Variants in FREM2 observed in about 807,000 individuals in gnomAD.
FREM2 encodes FRAS1 related extracellular matrix 2, also known as FRAS1-related extracellular matrix protein 2.
FREM2 carries 119 observed loss-of-function variants against 219.9 expected under a neutral mutation model. The ratio of observed to expected loss-of-function variants is 0.54; its 90% CI spans 0.47 to 0.63. The LOEUF (loss-of-function observed/expected upper bound fraction) is 0.63. Ranked by LOEUF, FREM2 falls within the 30% of genes least tolerant of loss-of-function variation. The probability of loss-of-function intolerance (pLI) is 0.00; values close to 1 mark genes in which losing one functional copy is unlikely to be tolerated. For synonymous variants in FREM2, 1,562 were observed against 1,522.8 expected (o/e 1.03, Z -0.60); for missense variants, 4,030 against 3,993.6 (o/e 1.01, Z -0.25).
intron 2 of FREM2, among the ~76,000 whole-genome samples, chr13:38,713,681 T>C (rs765598907): frequency 2.0e-5 from 3 of 152,216 alleles, no homozygotes; most frequent in Non-Finnish European, 4.4e-5. Context: ...ATTCATGTTA[T>C]CCCTTCCCCA....
chr13:38,695,988 A>T (rs577826492), intron 1 of FREM2, among the ~76,000 whole-genome samples: 4 of 152,204 alleles, frequency 2.6e-5, no homozygotes, highest in Non-Finnish European at 5.9e-5. Context: ...GAAACTAGGC[A>T]GCAAGTGTGG....
In FREM2 at chr13:38,766,995, G is replaced by A. The variant is rs559255771; in HGVS notation, c.5410+2545G>A. On this transcript the variant is annotated intron_variant, in intron 3 of 23. Transcript: ENST00000280481. Reference sequence around the variant, plus strand: ...GGCCTACTTCCCAATACCCTACCTAGGTCAACTCCATGAGAAGAGTACCAT... The same window carrying A: ...GGCCTACTTCCCAATACCCTACCTAAGTCAACTCCATGAGAAGAGTACCAT... Among the ~76,000 whole-genome samples the A allele has an allele frequency of 5.3e-5, 8 of 152,274 alleles. No homozygotes were observed. The East Asian group carries it at 1.4e-3, about 26-fold the overall frequency.
In FREM2 at chr13:38,692,173, A is replaced by G. The variant is rs142108180; in HGVS notation, c.4829A>G (p.Glu1610Gly). The change falls in exon 1 of 24, where the codon GAG becomes GGG. Residue 1610 changes from glutamate to glycine, a missense_variant. Glu to Gly is a moderately conservative substitution (Grantham distance 98). Coordinates refer to ENST00000280481, the MANE Select transcript of FREM2 (RefSeq NM_207361.6). Reference protein sequence around the residue: ...NLISYKHDGTESSEDSFSFTV... With the variant: ...NLISYKHDGTGSSEDSFSFTV... The stretch of plus-strand genomic sequence containing the variant: ...ATCAGCTACAAACATGATGGCACTG[A>G]GTCAAGTGAAGATAGCTTCTCCTTC... 4.3e-6 allele frequency: 7 copies of G among 1,614,098 alleles called. No individual in the cohort carries two copies. Among genetic ancestry groups the G allele is most frequent in the Non-Finnish European group, 1.7e-6 (2 of 1,180,040 alleles).
intron 3 of FREM2, among the ~76,000 whole-genome samples, chr13:38,769,214 AAC>A (rs1873556911): frequency 2.0e-5 from 3 of 152,194 alleles, no homozygotes; most frequent in Admixed American, 6.5e-5. Flanking sequence ...AATATCCAGG[AAC>A]ACATGCAAAA....
chr13:38,719,839 A>G (rs1281898966), intron 2 of FREM2, among the ~76,000 whole-genome samples: 1 of 152,072 alleles, frequency 6.6e-6, no homozygotes, highest in Admixed American at 6.5e-5. Flanking sequence ...TGTTGGTGAA[A>G]TTTACAGACA....
chr13:38,857,907 G>C lies in FREM2; in HGVS notation c.7089G>C (p.Met2363Ile). ...AAGCCATTGTGTACATAGAAGAAATGAGCAGCATGGCAGATGTCACTTTTC... is the reference window on the plus strand; with the variant it reads ...AAGCCATTGTGTACATAGAAGAAATCAGCAGCATGGCAGATGTCACTTTTC... ...LTKAIVYIEE[M>I]SSMADVTFPS... is the part of the protein sequence containing the mutation. The change falls in exon 13 of 24, where the codon ATG (methionine) becomes ATC (isoleucine). Residue 2363 changes from methionine (M) to isoleucine (I), a missense_variant. Met to Ile is a conservative substitution (Grantham distance 10). Coordinates refer to ENST00000280481, the MANE Select transcript of FREM2 (RefSeq NM_207361.6). 1 of 1,613,768 alleles carries C rather than the reference G, an allele frequency of 6.2e-7. No individual in the cohort carries two copies. Among genetic ancestry groups the C allele is most frequent in the Admixed American group, 1.7e-5 (1 of 60,024 alleles).
chr13:38,750,633 G>A (rs1046951827), intron 2 of FREM2, among the ~76,000 whole-genome samples: 1 of 152,010 alleles, frequency 6.6e-6, no homozygotes, highest in East Asian at 1.9e-4. Flanking sequence ...TTTCTTTTGG[G>A]TATATACCTA....
At chr13:38,852,984 G>A (rs1877428085) in intron 11 of FREM2, among the ~76,000 whole-genome samples, 2 of 151,740 alleles carry the variant, frequency 1.3e-5, no homozygotes, top group South Asian at 4.2e-4. Flanking sequence ...TGGATTAAAG[G>A]CATGAACCAC....
At chr13:38,777,573 A>G (rs115954910) in intron 4 of FREM2, among the ~76,000 whole-genome samples, 1 of 152,186 alleles carries the variant, frequency 6.6e-6, no homozygotes, top group Non-Finnish European at 1.5e-5. Flanking sequence ...AAACTAGCCA[A>G]TCATGTGAAG....
At chr13:38,814,257 C>G (rs1359426440) in intron 6 of FREM2, among the ~76,000 whole-genome samples, 2 of 152,106 alleles carry the variant, frequency 1.3e-5, no homozygotes, top group Non-Finnish European at 2.9e-5. Context: ...CTTGTAGATA[C>G]TTGTCAGTGT....
In FREM2 at chr13:38,761,126, A is replaced by T. The variant is rs141790057; in HGVS notation, c.5264-3178A>T. Among the ~76,000 whole-genome samples, 4 of 152,332 alleles carry T rather than the reference A, an allele frequency of 2.6e-5. No individual in the cohort carries two copies. The East Asian group carries it at 7.7e-4, about 29-fold the overall frequency. ...CCCAGGAAGAGGAGAAAAACTAAGG[A>T]TGTCCTGGGCAGAAGATACAGCACA... On this transcript the variant is annotated intron_variant, in intron 2 of 23. Coordinates refer to ENST00000280481, the MANE Select transcript of FREM2 (RefSeq NM_207361.6).
chr13:38,765,422 T>C (rs776108128), intron 3 of FREM2, among the ~76,000 whole-genome samples: 1 of 152,160 alleles, frequency 6.6e-6, no homozygotes, highest in Non-Finnish European at 1.5e-5. Flanking sequence ...TTGAGTGAGA[T>C]TATCAACTAA....
intron 4 of FREM2, among the ~76,000 whole-genome samples, chr13:38,779,808 C>T (rs1466624964): frequency 1.3e-5 from 2 of 152,212 alleles, no homozygotes; most frequent in East Asian, 3.9e-4. Flanking sequence ...GATCACCTCT[C>T]AGTTCTTCAC....
chr13:38,728,827 CATTT>C (rs572609074), intron 2 of FREM2, among the ~76,000 whole-genome samples: 44 of 151,866 alleles, frequency 2.9e-4, no homozygotes, highest in African/African-American at 9.4e-4. Flanking sequence ...TTATCCTTCT[CATTT>C]ATTTATTTAT....
intron 11 of FREM2, among the ~76,000 whole-genome samples, chr13:38,852,853 C>T (rs1877422863): frequency 2.0e-5 from 3 of 151,836 alleles, no homozygotes; most frequent in Admixed American, 2.0e-4. Context: ...TACAGGCATG[C>T]ACCACCATGC....
At chr13:38,763,701 G>T (rs1873326295) in intron 2 of FREM2, among the ~76,000 whole-genome samples, 1 of 151,916 alleles carries the variant, frequency 6.6e-6, no homozygotes, top group Non-Finnish European at 1.5e-5. Flanking sequence ...ACTCCATTTT[G>T]GTGGGAAGAT....
chr13:38,884,559 T>C lies in FREM2; in HGVS notation c.*3772T>C, dbSNP rs1189372544. On this transcript the variant is annotated 3_prime_UTR_variant, in exon 24 of 24. Coordinates refer to ENST00000280481, the MANE Select transcript of FREM2 (RefSeq NM_207361.6). ...TAAATGTTTTACAAATTTGAAACTTTCATAATTGTATTAATCAGAAAACAA... is the reference window on the plus strand; with the variant it reads ...TAAATGTTTTACAAATTTGAAACTTCCATAATTGTATTAATCAGAAAACAA... The C allele has an allele frequency of 6.6e-6, 1 of 152,216 alleles. No homozygotes were observed. The highest frequency in any genetic ancestry group is 1.9e-4 in the East Asian group (1 of 5,204). 9.4% of individuals were successfully genotyped at this position (152,216 alleles called of 1,614,324 possible).
Position 38,878,110 on chromosome 13 carries a change from A to G in FREM2, c.8672-24A>G, listed in dbSNP as rs149984139. The G allele has an allele frequency of 3.9e-5, 62 of 1,593,806 alleles. No individual in the cohort carries two copies. The African/African-American group carries it at 8.0e-4, about 21-fold the overall frequency. ...ATATACCTTATCATATAACAGAAAT[A>G]ACATTTCCACATCTCTATTTCAGGT... On this transcript the variant is annotated intron_variant, in intron 21 of 23. Coordinates refer to ENST00000280481, the MANE Select transcript of FREM2 (RefSeq NM_207361.6).
chr13:38,750,680 T>G (rs1026028828), intron 2 of FREM2, among the ~76,000 whole-genome samples: 2 of 152,142 alleles, frequency 1.3e-5, no homozygotes, highest in African/African-American at 4.8e-5. Context: ...AGTTCTGTTT[T>G]TAGCCATGCT....
Sources: allele counts gnomAD v4.1 joint callset (sites outside exome capture counted in the v4.1 genomes callset), GRCh38; gene constraint gnomAD v4.1.1; transcripts MANE v1.5; gene names NCBI Gene and HGNC (gene_info 2026-07-23, HGNC 2026-07-21).